Variants in ATF7IP observed in about 807,000 individuals in gnomAD.
ATF7IP encodes activating transcription factor 7-interacting protein 1.
A neutral mutation model predicts 106.4 loss-of-function variants in ATF7IP; 23 were observed. The ratio of observed to expected loss-of-function variants is 0.22; its 90% CI spans 0.16 to 0.31. The LOEUF (loss-of-function observed/expected upper bound fraction) is 0.31. Among genes scored for constraint, ATF7IP ranks in the 10% least tolerant of loss-of-function variants. The pLI is 1.00. For synonymous variants in ATF7IP, 542 were observed against 539.0 expected (o/e 1.01, Z -0.08); for missense variants, 1,334 against 1,524.3 (o/e 0.88, Z 2.08).
intron 1 of ATF7IP, chr12:14,419,873 A>G (rs535628444): frequency 1.3e-5 from 2 of 152,318 alleles, no homozygotes; most frequent in East Asian, 3.9e-4. Flanking sequence ...AATTTAAATA[A>G]AATGGCTAGA....
At chr12:14,379,114 T>G (rs1468933947) in intron 1 of ATF7IP, among the ~76,000 whole-genome samples, 1 of 152,182 alleles carries the variant, frequency 6.6e-6, no homozygotes, top group Non-Finnish European at 1.5e-5. Flanking sequence ...TGGGAGATAA[T>G]TGGGTCATGG....
chr12:14,402,552 A>G (rs1005897550), intron 1 of ATF7IP, among the ~76,000 whole-genome samples: 1 of 151,626 alleles, frequency 6.6e-6, no homozygotes, highest in African/African-American at 2.4e-5. Flanking sequence ...ATATTTCATA[A>G]GACAGTTCTA....
chr12:14,469,690 G>T (rs1349073888), intron 10 of ATF7IP, among the ~76,000 whole-genome samples: 1 of 152,026 alleles, frequency 6.6e-6, no homozygotes, highest in East Asian at 1.9e-4. Context: ...TTGCTGATTT[G>T]CTAGAAGGAT....
At chr12:14,432,238 A>G (rs1420385326) in intron 2 of ATF7IP, among the ~76,000 whole-genome samples, 2 of 152,232 alleles carry the variant, frequency 1.3e-5, no homozygotes, top group East Asian at 3.8e-4. Context: ...AGGATTTGCT[A>G]AATAAAGACT....
intron 1 of ATF7IP, among the ~76,000 whole-genome samples, chr12:14,401,736 G>C (rs1405978107): frequency 3.8e-5 from 1 of 26,384 alleles, no homozygotes; most frequent in African/African-American, 1.5e-4. Context: ...TTTTTTTTTT[G>C]ATATGGAATC....
At chr12:14,398,379 A>G in intron 1 of ATF7IP, among the ~76,000 whole-genome samples, 1 of 134,952 alleles carries the variant, frequency 7.4e-6, no homozygotes, top group Non-Finnish European at 1.6e-5. Flanking sequence ...TTCCTCCTAC[A>G]TCTAAAAGTT....
At chr12:14,452,753 A>G (rs1591894743) in intron 6 of ATF7IP, among the ~76,000 whole-genome samples, 2 of 152,146 alleles carry the variant, frequency 1.3e-5, no homozygotes, top group Non-Finnish European at 2.9e-5. Flanking sequence ...GCACCAATAT[A>G]ACAAGAATAC....
chr12:14,403,249 AC>A (rs1450364760), intron 1 of ATF7IP, among the ~76,000 whole-genome samples: 2 of 151,766 alleles, frequency 1.3e-5, no homozygotes, highest in Non-Finnish European at 2.9e-5. Flanking sequence ...ATTTTTGTTT[AC>A]CCCTTTTATA....
chr12:14,405,403 C>CTTTTTTTT (rs145211652), intron 1 of ATF7IP, among the ~76,000 whole-genome samples: 13 of 83,566 alleles, frequency 1.6e-4, no homozygotes, highest in East Asian at 4.5e-4. Flanking sequence ...TTTCTTTCAT[C>CTTTTTTTT]TTTTTTTTTT....
chr12:14,497,539 G>T, intron 14 of ATF7IP, 115 bp from the exon 15 acceptor site: 1 of 1,118,126 alleles, frequency 8.9e-7, no homozygotes, highest in African/African-American at 1.6e-5. Context: ...GTATTTCCTA[G>T]AATTCTTGAT....
intron 13 of ATF7IP, among the ~76,000 whole-genome samples, chr12:14,484,580 C>A (rs1944532191): frequency 6.6e-6 from 1 of 152,186 alleles, no homozygotes; most frequent in Non-Finnish European, 1.5e-5. Flanking sequence ...GGCTGTAGTG[C>A]TGCAGCTGTG....
At chr12:14,477,908 G>T (rs926123579) in intron 11 of ATF7IP, among the ~76,000 whole-genome samples, 1 of 152,134 alleles carries the variant, frequency 6.6e-6, no homozygotes, top group Non-Finnish European at 1.5e-5. Context: ...TGTTATCAAA[G>T]AACCTAAATA....
At chr12:14,372,501 A>T (rs970127536) in intron 1 of ATF7IP, among the ~76,000 whole-genome samples, 1 of 151,426 alleles carries the variant, frequency 6.6e-6, no homozygotes, top group African/African-American at 2.4e-5. Context: ...GGGAACAGTT[A>T]TACCTTCCTG....
chr12:14,471,097 T>C (rs1467562219), intron 10 of ATF7IP, among the ~76,000 whole-genome samples: 31 of 152,190 alleles, frequency 2.0e-4, no homozygotes, highest in Non-Finnish European at 2.9e-5. Flanking sequence ...TTTGCAAATT[T>C]TTTATTATTG....
chr12:14,461,783 A>G, intron 9 of ATF7IP, among the ~76,000 whole-genome samples: 1 of 152,138 alleles, frequency 6.6e-6, no homozygotes, highest in East Asian at 1.9e-4. Flanking sequence ...TTTGTTTTGT[A>G]TGCATTCTTG....
chr12:14,381,706 A>G (rs778117285), intron 1 of ATF7IP, among the ~76,000 whole-genome samples: 4 of 152,198 alleles, frequency 2.6e-5, no homozygotes, highest in Admixed American at 1.3e-4. Context: ...ATAACTTACA[A>G]TTAGAGCATC....
At chr12:14,427,523 G>A (rs974319601) in intron 2 of ATF7IP, among the ~76,000 whole-genome samples, 3 of 152,014 alleles carry the variant, frequency 2.0e-5, no homozygotes, top group Non-Finnish European at 2.9e-5. Flanking sequence ...GCGACACCAC[G>A]CCTGGCTAAT....
At chr12:14,458,727 G>A (rs1388688930) in intron 8 of ATF7IP, among the ~76,000 whole-genome samples, 3 of 152,142 alleles carry the variant, frequency 2.0e-5, no homozygotes, top group Non-Finnish European at 4.4e-5. Flanking sequence ...GGAGGCTGAA[G>A]TGGAAAGATG....
intron 1 of ATF7IP, among the ~76,000 whole-genome samples, chr12:14,402,123 C>CTTTTTTTTTTTTTTT (rs1591796119): frequency 9.1e-6 from 1 of 110,386 alleles, no homozygotes; most frequent in Non-Finnish European, 1.9e-5. Flanking sequence ...TTCTTTTCTT[C>CTTTTTTTTTTTTTTT]TTTCTTTTTT....
Sources: gnomAD v4.1 joint callset for allele counts (sites outside exome capture counted in the v4.1 genomes callset) on GRCh38, gnomAD v4.1.1 for gene constraint, MANE v1.5 for transcripts, NCBI Gene and HGNC (gene_info 2026-07-23, HGNC 2026-07-21) for gene names.